The following WDPCP variants were observed in gnomAD, a reference collection of about 807,000 sequenced individuals.
The protein encoded by WDPCP is WD repeat-containing and planar cell polarity effector protein fritz homolog.
Under a neutral mutation model 93.1 loss-of-function variants are expected in WDPCP, and 71 were observed. That is an observed-to-expected ratio of 0.76 (90% CI 0.63 to 0.93). WDPCP has a LOEUF of 0.93. Ranked by LOEUF, WDPCP falls within the 40% of genes least tolerant of loss-of-function variation. WDPCP has a pLI of 0.00. For missense variants in WDPCP, 844 were observed against 887.4 expected, an observed-to-expected ratio of 0.95 and a Z score of 0.62; for synonymous variants, 315 against 315.0, an observed-to-expected ratio of 1.00 and a Z score of 0.00.
At chr2:63,140,554 A>ATTT (rs57591269) in intron 17 of WDPCP, among the ~76,000 whole-genome samples, 32 of 145,932 alleles carry the variant, frequency 2.2e-4, no homozygotes, top group African/African-American at 5.8e-4. Context: ...ATTCCTAAGT[A>ATTT]TTTTTTTTTT....
intron 9 of WDPCP, among the ~76,000 whole-genome samples, chr2:63,427,147 A>G (rs1696386529): frequency 6.6e-6 from 1 of 152,224 alleles, no homozygotes; most frequent in African/African-American, 2.4e-5. Context: ...GAGAGACTTC[A>G]ACAACCCACT....
At chr2:63,521,365 C>T (rs1238722246) in intron 1 of WDPCP, among the ~76,000 whole-genome samples, 1 of 152,206 alleles carries the variant, frequency 6.6e-6, no homozygotes, top group Non-Finnish European at 1.5e-5. Flanking sequence ...GGAGAAAAAT[C>T]TACCAAACAA....
chr2:63,837,700 G>A, the WDPCP span, among the ~76,000 whole-genome samples: 1 of 152,202 alleles, frequency 6.6e-6, no homozygotes, highest in African/African-American at 2.4e-5. Flanking sequence ...GGCATTTGCT[G>A]CTATTATTCT....
At chr2:63,365,808 C>T (rs1055773161) in intron 12 of WDPCP, among the ~76,000 whole-genome samples, 3 of 152,164 alleles carry the variant, frequency 2.0e-5, no homozygotes, top group Admixed American at 6.6e-5. Flanking sequence ...AATATAAGTT[C>T]ATTTAGTAGC....
rs1695496759 is a variant in WDPCP at position 63,417,188 on chromosome 2, A to G, written c.826-12531T>C. ...AAGAAGAGCAGAATGAAACAAAAAA[A>G]GAATGAAAAACACAGACACTAAATA... On this transcript the variant is annotated intron_variant, in intron 9 of 17. Coordinates refer to ENST00000272321, the MANE Select transcript of WDPCP (RefSeq NM_015910.7). Among the ~76,000 whole-genome samples, 8 of 152,246 alleles carry G rather than the reference A, an allele frequency of 5.3e-5. No individual in the cohort carries two copies. In the South Asian group the frequency reaches 1.0e-3, roughly 20 times the overall value.
intron 9 of WDPCP, among the ~76,000 whole-genome samples, chr2:63,414,795 G>A (rs548688993): frequency 2.0e-5 from 3 of 152,168 alleles, no homozygotes; most frequent in African/African-American, 7.2e-5. Flanking sequence ...TGGGTGATGG[G>A]TGCACCAAAA....
chr2:63,536,920 C>T (rs370792564), intron 1 of WDPCP, among the ~76,000 whole-genome samples: 1 of 152,022 alleles, frequency 6.6e-6, no homozygotes, highest in Admixed American at 6.5e-5. Flanking sequence ...CATGCACCCC[C>T]ACACCCAGCC....
At chr2:63,264,151 C>T (rs1681894613) in intron 13 of WDPCP, among the ~76,000 whole-genome samples, 1 of 152,218 alleles carries the variant, frequency 6.6e-6, no homozygotes, top group African/African-American at 2.4e-5. Flanking sequence ...TTATAACAGA[C>T]TAGTGGACTA....
intron 15 of WDPCP, among the ~76,000 whole-genome samples, chr2:63,167,822 A>C (rs1376871983): frequency 6.6e-6 from 1 of 152,212 alleles, no homozygotes. Context: ...TGTAGTAAGC[A>C]TAGTGAGTTA....
At chr2:63,600,260 C>T (rs1335013404) in intron 3 of WDPCP, among the ~76,000 whole-genome samples, 1 of 152,174 alleles carries the variant, frequency 6.6e-6, no homozygotes, top group Non-Finnish European at 1.5e-5. Context: ...AAATTGAATG[C>T]TATACATGTA....
At chr2:63,312,106 T>G (rs996219449) in intron 13 of WDPCP, among the ~76,000 whole-genome samples, 1 of 152,180 alleles carries the variant, frequency 6.6e-6, no homozygotes, top group Non-Finnish European at 1.5e-5. Flanking sequence ...CAATGTCATA[T>G]GCCTGCTCAA....
intron 2 of WDPCP, among the ~76,000 whole-genome samples, chr2:63,682,410 G>C (rs1013529036): frequency 2.4e-4 from 36 of 152,150 alleles, no homozygotes; most frequent in African/African-American, 8.2e-4. Context: ...GAACGCATCA[G>C]AATCTTTTAA....
intron 3 of WDPCP, chr2:63,594,150 G>A: frequency 6.6e-6 from 3 of 453,462 alleles, no homozygotes; most frequent in South Asian, 1.7e-5. Context: ...TGCATAATAA[G>A]GATTTGTGTG....
intron 2 of WDPCP, among the ~76,000 whole-genome samples, chr2:63,756,125 C>A (rs1490695546): frequency 6.6e-6 from 1 of 152,192 alleles, no homozygotes; most frequent in Non-Finnish European, 1.5e-5. Flanking sequence ...GGCTTTGAGT[C>A]ATATTCTGCA....
At chr2:63,451,458 T>A (rs1013456439) in intron 6 of WDPCP, among the ~76,000 whole-genome samples, 5 of 152,156 alleles carry the variant, frequency 3.3e-5, no homozygotes, top group Non-Finnish European at 7.4e-5. Flanking sequence ...ATTAATAACT[T>A]GCCAACCAAA....
intron 1 of WDPCP, among the ~76,000 whole-genome samples, chr2:63,501,627 T>A (rs1208450273): frequency 6.6e-6 from 1 of 152,212 alleles, no homozygotes; most frequent in African/African-American, 2.4e-5. Flanking sequence ...TGTTTCTTTC[T>A]TTTTTGGAGA....
chr2:63,572,372 G>A (rs978237475), intron 1 of WDPCP, among the ~76,000 whole-genome samples: 1 of 152,130 alleles, frequency 6.6e-6, no homozygotes, highest in Non-Finnish European at 1.5e-5. Flanking sequence ...AGGGTATCCA[G>A]CTGTAAGTTA....
intron 14 of WDPCP, among the ~76,000 whole-genome samples, chr2:63,184,089 A>G (rs1674449557): frequency 6.6e-6 from 1 of 152,076 alleles, no homozygotes; most frequent in South Asian, 2.1e-4. Context: ...CTGCCAATCT[A>G]TACCTTTTAA....
At chr2:63,485,588 T>C (rs1700526467) in intron 4 of WDPCP, among the ~76,000 whole-genome samples, 2 of 151,944 alleles carry the variant, frequency 1.3e-5, no homozygotes, top group East Asian at 1.9e-4. Context: ...TACACCACAA[T>C]TGAATAATGA....
Sources: gnomAD v4.1 joint callset for allele counts (sites outside exome capture counted in the v4.1 genomes callset) on GRCh38, gnomAD v4.1.1 for gene constraint, MANE v1.5 for transcripts, NCBI Gene and HGNC (gene_info 2026-07-23, HGNC 2026-07-21) for gene names.